Variants in RNF217 observed in about 807,000 individuals in gnomAD.
The protein encoded by RNF217 is ring finger protein 217.
Under a neutral mutation model 57.8 loss-of-function variants are expected in RNF217, and 31 were observed. That is an observed-to-expected ratio of 0.54 (90% CI 0.40 to 0.72). The LOEUF (loss-of-function observed/expected upper bound fraction) is 0.72, where lower values mean the gene tolerates loss of function less well. RNF217 is among the 30% of genes least tolerant of loss of function. The probability of loss-of-function intolerance (pLI) is 0.00; values close to 1 mark genes in which losing one functional copy is unlikely to be tolerated. For missense variants in RNF217, 696 were observed against 708.3 expected, an observed-to-expected ratio of 0.98 and a Z score of 0.20; for synonymous variants, 313 against 294.0, an observed-to-expected ratio of 1.06 and a Z score of -0.66.
Position 125,081,477 on chromosome 6 carries a change from T to C in RNF217, c.1525T>C (p.Leu509=), listed in dbSNP as rs1293666696. ...TGCACCTCTAATTATGGTTTTGGGATTGGCACTAGGGGCCATAGCGGTTGT... is the reference window on the plus strand; with the variant it reads ...TGCACCTCTAATTATGGTTTTGGGACTGGCACTAGGGGCCATAGCGGTTGT... ...FIAPLIMVLG[L]ALGAIAVVIG... The change falls in exon 5 of 6, where the codon TTG becomes CTG. Residue 509 remains leucine, a synonymous_variant. Transcript: ENST00000521654. 1 of 1,611,536 alleles carries C rather than the reference T, an allele frequency of 6.2e-7. No individual in the cohort carries two copies. Among genetic ancestry groups the C allele is most frequent in the Admixed American group, 1.7e-5 (1 of 59,810 alleles).
intron 2 of RNF217, among the ~76,000 whole-genome samples, chr6:125,047,906 T>G (rs1363945982): frequency 6.6e-6 from 1 of 152,064 alleles, no homozygotes; most frequent in Non-Finnish European, 1.5e-5. Context: ...CCACAGAATT[T>G]GAGGATGATT....
chr6:125,040,199 G>C (rs1284190174), intron 1 of RNF217, among the ~76,000 whole-genome samples: 2 of 152,090 alleles, frequency 1.3e-5, no homozygotes, highest in Non-Finnish European at 2.9e-5. Context: ...CCACTAGCTA[G>C]ACTAATAAAG....
intron 1 of RNF217, among the ~76,000 whole-genome samples, chr6:124,973,819 A>AT (rs769503062): frequency 6.2e-4 from 94 of 152,252 alleles, no homozygotes; most frequent in Middle Eastern, 6.8e-3. Flanking sequence ...ACCTAGGAAC[A>AT]TAAAAAAAAA....
intron 4 of RNF217, among the ~76,000 whole-genome samples, chr6:125,078,050 G>T (rs1456584567): frequency 2.0e-5 from 3 of 152,116 alleles, no homozygotes; most frequent in Admixed American, 2.0e-4. Flanking sequence ...TCTTCCTGAG[G>T]TTAATGGAAC....
At chr6:125,036,918 A>T (rs188445162) in intron 1 of RNF217, among the ~76,000 whole-genome samples, 131 of 148,850 alleles carry the variant, frequency 8.8e-4, no homozygotes, top group Admixed American at 3.0e-3. Flanking sequence ...ATTATTTATT[A>T]TAAAGCAGGA....
chr6:124,995,606 T>G (rs552956017), intron 1 of RNF217, among the ~76,000 whole-genome samples: 12 of 152,286 alleles, frequency 7.9e-5, no homozygotes, highest in Middle Eastern at 6.8e-3. Flanking sequence ...ATAACCCGAT[T>G]TACTTACACT....
rs147762287 is a variant in RNF217, at chr6:125,076,756, T to A, written c.1381T>A (p.Phe461Ile). The stretch of plus-strand genomic sequence containing the variant: ...TGGTGAGAGATACCGCCAGCTCCGA[T>A]TTTTTGGAGACCACACATCAAACCT... ...RCGERYRQLR[F>I]FGDHTSNLSI... The change falls in exon 4 of 6, where the codon TTT (phenylalanine) becomes ATT (isoleucine). Residue 461 changes from phenylalanine (F) to isoleucine (I), a missense_variant. By Grantham distance (21) the Phe-to-Ile change is conservative. Transcript: ENST00000521654. The A allele has an allele frequency of 6.2e-7, 1 of 1,613,470 alleles. No individual in the cohort carries two copies. Among genetic ancestry groups the A allele is most frequent in the Admixed American group, 1.7e-5 (1 of 59,958 alleles).
Position 125,014,025 on chromosome 6 carries a change from G to C in RNF217, c.883-31186G>C, listed in dbSNP as rs1379618410. On this transcript the variant is annotated intron_variant, in intron 1 of 5. Transcript: ENST00000521654. ...TTTTATTTAAGATTTTTATTTGTCT[G>C]CCTGTTGTTCTCTGAATGGGAACTG... is the stretch of plus-strand genomic sequence containing the variant. 5.9e-5 allele frequency among the ~76,000 whole-genome samples: 9 copies of C among 152,234 alleles called. No homozygotes were observed. In the East Asian group the frequency reaches 1.5e-3, roughly 26 times the overall value.
chr6:125,049,480 T>C (rs576419), intron 2 of RNF217, among the ~76,000 whole-genome samples: 67,705 of 151,806 alleles, frequency 0.45, 15,528 homozygotes, highest in Non-Finnish European at 0.5. Context: ...GTGTTGGATT[T>C]ACCAAGGTTG....
intron 1 of RNF217, among the ~76,000 whole-genome samples, chr6:124,966,828 TG>T (rs1783560948): frequency 6.6e-6 from 1 of 152,326 alleles, no homozygotes. Context: ...AATTGGTAGG[TG>T]TCATCAATAT....
At chr6:125,075,603 C>T (rs957025564) in intron 3 of RNF217, among the ~76,000 whole-genome samples, 1 of 152,098 alleles carries the variant, frequency 6.6e-6, no homozygotes, top group African/African-American at 2.4e-5. Context: ...TCCACTTGAC[C>T]CTGCCCTTGA....
chr6:125,032,186 A>G (rs1303335098), intron 1 of RNF217, among the ~76,000 whole-genome samples: 1 of 152,188 alleles, frequency 6.6e-6, no homozygotes, highest in East Asian at 1.9e-4. Context: ...GGGTGGGGAC[A>G]CAGCCAAACC....
intron 4 of RNF217, among the ~76,000 whole-genome samples, chr6:125,078,450 T>C (rs1582783721): frequency 2.6e-5 from 4 of 152,304 alleles, no homozygotes; most frequent in Admixed American, 2.6e-4. Flanking sequence ...CTCATGGTTC[T>C]GGAGGCTGAG....
Position 125,088,045 on chromosome 6 carries a change from G to A in RNF217, c.*5108G>A, listed in dbSNP as rs1267289673. On this transcript the variant is annotated 3_prime_UTR_variant, in exon 6 of 6. Transcript: ENST00000521654. ...TTTTTTTTTTTTTTTTTGAGACAGA[G>A]GTTCTCTCAATGTTGCCCAGGCTGG... 1 of 141,384 alleles carries A rather than the reference G, an allele frequency of 7.1e-6. No individual in the cohort carries two copies. The highest frequency in any genetic ancestry group is 2.6e-5 in the African/African-American group (1 of 38,284). The allele number at this position is 141,384 out of a possible 1,614,324, so 8.8% of individuals were successfully genotyped here.
chr6:124,998,484 A>C (rs1784834094), intron 1 of RNF217, among the ~76,000 whole-genome samples: 1 of 152,150 alleles, frequency 6.6e-6, no homozygotes, highest in Admixed American at 6.5e-5. Context: ...ACATTTTTTT[A>C]ATATTGGTCA....
intron 2 of RNF217, among the ~76,000 whole-genome samples, chr6:125,046,417 G>A (rs1787100598): frequency 6.6e-6 from 1 of 152,034 alleles, no homozygotes; most frequent in South Asian, 2.1e-4. Flanking sequence ...TTGATTCACA[G>A]CCCTGATTGT....
chr6:124,966,641 A>T (rs1324211455), intron 1 of RNF217, among the ~76,000 whole-genome samples: 3 of 152,242 alleles, frequency 2.0e-5, no homozygotes, highest in Admixed American at 1.3e-4. Flanking sequence ...TAAACATTTT[A>T]TGCCAACATT....
intron 2 of RNF217, among the ~76,000 whole-genome samples, chr6:125,056,852 A>C (rs1787542557): frequency 6.6e-6 from 1 of 152,160 alleles, no homozygotes; most frequent in African/African-American, 2.4e-5. Context: ...AATGTGTATG[A>C]GTGGAATATT....
chr6:125,055,489 T>G (rs1216342965), intron 2 of RNF217, among the ~76,000 whole-genome samples: 1 of 152,222 alleles, frequency 6.6e-6, no homozygotes, highest in African/African-American at 2.4e-5. Flanking sequence ...AGTTCAGCAC[T>G]TAATCACAAA....
Sources: allele counts gnomAD v4.1 joint callset (sites outside exome capture counted in the v4.1 genomes callset), GRCh38; gene constraint gnomAD v4.1.1; transcripts MANE v1.5; gene names NCBI Gene and HGNC (gene_info 2026-07-23, HGNC 2026-07-21).